Variants in SLC24A2 observed in about 807,000 individuals in gnomAD.
The protein encoded by SLC24A2 is solute carrier family 24 member 2.
In SLC24A2, 36 loss-of-function variants were observed where a neutral mutation model predicts 62.0. The ratio of observed to expected loss-of-function variants is 0.58; its 90% confidence interval spans 0.44 to 0.77. The LOEUF (loss-of-function observed/expected upper bound fraction) is 0.77. Ranked by LOEUF, SLC24A2 falls within the 30% of genes least tolerant of loss-of-function variation. The probability of loss-of-function intolerance (pLI) is 0.00; values close to 1 mark genes in which losing one functional copy is unlikely to be tolerated. For missense variants in SLC24A2, 846 were observed against 817.9 expected (o/e 1.03, Z -0.42); for synonymous variants, 358 against 294.0 (o/e 1.22, Z -2.23).
At chr9:20,194,917 AAAT>A in the SLC24A2 span, among the ~76,000 whole-genome samples, 3 of 152,248 alleles carry the variant, frequency 2.0e-5, no homozygotes, top group African/African-American at 2.4e-5. Context: ...TGCTAGAAAT[AAAT>A]AATATTCTAA....
the SLC24A2 span, among the ~76,000 whole-genome samples, chr9:20,013,151 C>A: frequency 1.3e-5 from 2 of 151,962 alleles, no homozygotes; most frequent in African/African-American, 4.8e-5. Flanking sequence ...AGATTTCAAA[C>A]ATATTATAAT....
intron 7 of SLC24A2, among the ~76,000 whole-genome samples, chr9:19,567,058 T>C (rs754679003): frequency 7.3e-5 from 11 of 151,266 alleles, no homozygotes; most frequent in Non-Finnish European, 8.8e-5. Context: ...TGTATACATA[T>C]GTAATAAACC....
At chr9:19,989,851 G>C in the SLC24A2 span, among the ~76,000 whole-genome samples, 8 of 152,172 alleles carry the variant, frequency 5.3e-5, no homozygotes, top group African/African-American at 1.9e-4. Context: ...TGGTCTCTTG[G>C]AGTGAGGACA....
chr9:20,107,845 G>A, the SLC24A2 span, among the ~76,000 whole-genome samples: 3 of 152,098 alleles, frequency 2.0e-5, no homozygotes, highest in African/African-American at 7.2e-5. Flanking sequence ...ATTGACAAAT[G>A]GGATCTAATT....
the SLC24A2 span, among the ~76,000 whole-genome samples, chr9:20,205,002 C>G: frequency 3.9e-5 from 6 of 152,088 alleles, no homozygotes; most frequent in Admixed American, 1.3e-4. Context: ...CCCTCGTCCT[C>G]CCAAAGTGCT....
the SLC24A2 span, among the ~76,000 whole-genome samples, chr9:19,849,955 G>C: frequency 6.6e-6 from 1 of 151,382 alleles, no homozygotes; most frequent in Non-Finnish European, 1.5e-5. Flanking sequence ...AAGGCAGTTA[G>C]CACATTTCCA....
At chr9:20,276,326 T>G in the SLC24A2 span, among the ~76,000 whole-genome samples, 1 of 152,184 alleles carries the variant, frequency 6.6e-6, no homozygotes, top group African/African-American at 2.4e-5. Context: ...CCCATGCAAG[T>G]CCAAAATCCA....
intron 5 of SLC24A2, among the ~76,000 whole-genome samples, chr9:19,580,345 A>G (rs567964028): frequency 6.6e-6 from 1 of 152,370 alleles, no homozygotes; most frequent in Admixed American, 6.5e-5. Context: ...GCCCACCTTC[A>G]GAATGTGGCA....
chr9:19,993,054 G>A, the SLC24A2 span, among the ~76,000 whole-genome samples: 2 of 151,988 alleles, frequency 1.3e-5, no homozygotes, highest in African/African-American at 2.4e-5. Flanking sequence ...TGCTCTGTAC[G>A]CTTTATAGAT....
chr9:20,096,053 G>A, the SLC24A2 span, among the ~76,000 whole-genome samples: 1 of 151,930 alleles, frequency 6.6e-6, no homozygotes, highest in Non-Finnish European at 1.5e-5. Context: ...TGGGAACACA[G>A]CCAAACCATA....
the SLC24A2 span, among the ~76,000 whole-genome samples, chr9:20,104,065 C>G: frequency 0.11 from 16,806 of 151,884 alleles, 982 homozygotes; most frequent in Middle Eastern, 0.17. Context: ...GAAGCCTCAG[C>G]AGCCGATGCG....
At chr9:20,178,453 G>A in the SLC24A2 span, among the ~76,000 whole-genome samples, 1 of 152,224 alleles carries the variant, frequency 6.6e-6, no homozygotes, top group Admixed American at 6.5e-5. Flanking sequence ...TATTCTGAAA[G>A]CTACTGACAT....
chr9:20,155,151 A>G, the SLC24A2 span, among the ~76,000 whole-genome samples: 2 of 151,514 alleles, frequency 1.3e-5, no homozygotes, highest in Non-Finnish European at 3.0e-5. Flanking sequence ...AGAAAAAGAA[A>G]AAAAAAAAAA....
chr9:19,559,250 T>C (rs1586957804), intron 7 of SLC24A2, among the ~76,000 whole-genome samples: 1 of 152,338 alleles, frequency 6.6e-6, no homozygotes, highest in Middle Eastern at 3.4e-3. Flanking sequence ...TCTATAATTA[T>C]TTGATTTGAA....
chr9:19,639,787 T>C (rs1818447389), intron 2 of SLC24A2, among the ~76,000 whole-genome samples: 1 of 152,248 alleles, frequency 6.6e-6, no homozygotes, highest in South Asian at 2.1e-4. Flanking sequence ...GCCAATAGTT[T>C]ATAAGCTCTG....
At chr9:20,068,742 C>T in the SLC24A2 span, among the ~76,000 whole-genome samples, 1 of 152,076 alleles carries the variant, frequency 6.6e-6, no homozygotes, top group African/African-American at 2.4e-5. Context: ...ACTGTCTGCC[C>T]AAATTAGGGC....
At chr9:20,124,639 T>C in the SLC24A2 span, among the ~76,000 whole-genome samples, 2 of 152,158 alleles carry the variant, frequency 1.3e-5, no homozygotes, top group African/African-American at 4.8e-5. Flanking sequence ...TACCCACTTC[T>C]CATGTGTTAT....
chr9:19,550,900 TG>T (rs1379755363), intron 7 of SLC24A2, among the ~76,000 whole-genome samples: 1 of 152,174 alleles, frequency 6.6e-6, no homozygotes, highest in Non-Finnish European at 1.5e-5. Flanking sequence ...ATTTTTTACA[TG>T]CATTGAATGT....
At chr9:19,815,981 T>TTTTA in the SLC24A2 span, among the ~76,000 whole-genome samples, 2 of 145,662 alleles carry the variant, frequency 1.4e-5, no homozygotes, top group East Asian at 2.0e-4. Context: ...TTTTTTTTTT[T>TTTTA]ACCTTAATCA....
Sources: allele counts gnomAD v4.1 joint callset (sites outside exome capture counted in the v4.1 genomes callset), GRCh38; gene constraint gnomAD v4.1.1; transcripts MANE v1.5; gene names NCBI Gene and HGNC (gene_info 2026-07-23, HGNC 2026-07-21).